Variants in ARHGEF18 observed in about 807,000 individuals in gnomAD.
ARHGEF18 encodes Rho/Rac guanine nucleotide exchange factor 18, also known as rho guanine nucleotide exchange factor 18.
In ARHGEF18, 93 loss-of-function variants were observed where a neutral mutation model predicts 155.7. The ratio of observed to expected loss-of-function variants is 0.60; its 90% CI spans 0.50 to 0.71. The LOEUF (loss-of-function observed/expected upper bound fraction) is 0.71. Among genes scored for constraint, ARHGEF18 ranks in the 30% least tolerant of loss-of-function variants. The probability of loss-of-function intolerance (pLI) is 0.00; values close to 1 mark genes in which losing one functional copy is unlikely to be tolerated. For missense variants in ARHGEF18, 1,593 were observed against 1,816.1 expected, an observed-to-expected ratio of 0.88 and a Z score of 2.23; for synonymous variants, 742 against 753.1, an observed-to-expected ratio of 0.99 and a Z score of 0.24.
intron 10 of ARHGEF18, among the ~76,000 whole-genome samples, chr19:7,411,111 T>C (rs1430216018): frequency 6.6e-6 from 1 of 152,070 alleles, no homozygotes; most frequent in Non-Finnish European, 1.5e-5. Flanking sequence ...GCAGAGGATC[T>C]CAGAACAAGC....
chr19:7,456,883 C>T (rs939552467), intron 18 of ARHGEF18, among the ~76,000 whole-genome samples: 4 of 152,034 alleles, frequency 2.6e-5, no homozygotes, highest in African/African-American at 9.7e-5. Context: ...TACAGGCGCC[C>T]GCCACCACGC....
intron 10 of ARHGEF18, among the ~76,000 whole-genome samples, chr19:7,396,052 G>A (rs1037247498): frequency 6.6e-6 from 1 of 152,054 alleles, no homozygotes; most frequent in Admixed American, 6.6e-5. Flanking sequence ...GTGTCCATGA[G>A]TACCCAAGGT....
chr19:7,414,047 A>G (rs1271290953), intron 10 of ARHGEF18, among the ~76,000 whole-genome samples: 1 of 152,086 alleles, frequency 6.6e-6, no homozygotes, highest in Admixed American at 6.6e-5. Context: ...GTGGGTCTAA[A>G]TCAGGGTTTC....
At chr19:7,460,045 C>T (rs745974363) in intron 20 of ARHGEF18, 51 bp downstream of exon 20, 1 of 1,525,122 alleles carries the variant, frequency 6.6e-7, no homozygotes, top group Non-Finnish European at 8.9e-7. Flanking sequence ...GAGCCCTGGG[C>T]CCTCCATCAG....
At chr19:7,394,938 A>T in intron 10 of ARHGEF18, 1 of 523,410 alleles carries the variant, frequency 1.9e-6, no homozygotes. Context: ...CGCCGCGAGC[A>T]CCCTCCCACT....
intron 18 of ARHGEF18, among the ~76,000 whole-genome samples, chr19:7,458,212 A>G (rs112145234): frequency 0.028 from 4,254 of 150,174 alleles, 197 homozygotes; most frequent in African/African-American, 0.094. Context: ...ACTTGAGCCC[A>G]GGAGGTCAAG....
intron 1 of ARHGEF18, among the ~76,000 whole-genome samples, chr19:7,349,659 T>A (rs1381389946): frequency 6.6e-6 from 1 of 151,936 alleles, no homozygotes; most frequent in East Asian, 1.9e-4. Context: ...GCAGCTGTAA[T>A]CTCAGCTACT....
intron 10 of ARHGEF18, among the ~76,000 whole-genome samples, chr19:7,416,917 T>G (rs1600366714): frequency 6.6e-6 from 1 of 151,764 alleles, no homozygotes; most frequent in African/African-American, 2.4e-5. Flanking sequence ...TTGTTGTTGT[T>G]GTTGTTTTTT....
At chr19:7,439,283 C>CG (rs1555720503) in intron 10 of ARHGEF18, among the ~76,000 whole-genome samples, 2 of 149,986 alleles carry the variant, frequency 1.3e-5, no homozygotes, top group African/African-American at 2.5e-5. Context: ...TAGTGAGACC[C>CG]CCCCCCAACC....
chr19:7,473,139 G>A (rs879109173), downstream of ARHGEF18: 1 of 456,268 alleles, frequency 2.2e-6, no homozygotes, highest in South Asian at 1.5e-5. Flanking sequence ...GTGAGAGGCA[G>A]CTTGGCCATG....
chr19:7,461,915 G>C (rs948303966), intron 20 of ARHGEF18, among the ~76,000 whole-genome samples: 16 of 152,152 alleles, frequency 1.1e-4, no homozygotes, highest in African/African-American at 3.9e-4. Context: ...GCTTCCCTAA[G>C]TACTGGGATC....
At chr19:7,349,450 G>T (rs760937790) in intron 1 of ARHGEF18, among the ~76,000 whole-genome samples, 1 of 152,054 alleles carries the variant, frequency 6.6e-6, no homozygotes, top group Non-Finnish European at 1.5e-5. Context: ...GTCACCCCAG[G>T]GGACGGGGAT....
Position 7,470,450 on chromosome 19 carries a change from G to C in ARHGEF18, c.*152G>C. On this transcript the variant is annotated 3_prime_UTR_variant, in exon 29 of 29. Transcript: ENST00000668164. The surrounding 1 kb of genome is among the most constrained non-coding windows in gnomAD (Gnocchi z 5.9). ...ACCGCCTGGCAGGGGCCAGCCTGTC[G>C]GTGCTCTGGGCCTTGCAGCTGTTTC... 1 of 671,064 alleles carries C rather than the reference G, an allele frequency of 1.5e-6. No homozygotes were observed. The highest frequency in any genetic ancestry group is 2.1e-6 in the Non-Finnish European group (1 of 471,972). 41.6% of individuals were successfully genotyped at this position (671,064 alleles called of 1,614,324 possible). A position where few individuals can be genotyped will look rare whatever the true frequency, so the allele number is the denominator to read the frequency against.
chr19:7,386,927 T>C (rs1191223841), intron 10 of ARHGEF18, among the ~76,000 whole-genome samples: 4 of 152,024 alleles, frequency 2.6e-5, no homozygotes, highest in African/African-American at 9.7e-5. Flanking sequence ...GCCTTCCAGC[T>C]GGGGATTTGG....
chr19:7,369,589 G>A (rs1970107709), intron 2 of ARHGEF18, among the ~76,000 whole-genome samples: 1 of 152,032 alleles, frequency 6.6e-6, no homozygotes, highest in Admixed American at 6.6e-5. Flanking sequence ...ATGAGGTCAG[G>A]AGTTCAAGAG....
chr19:7,477,173 G>T, downstream of ARHGEF18: 1 of 1,429,610 alleles, frequency 7.0e-7, no homozygotes, highest in Non-Finnish European at 9.2e-7. Flanking sequence ...CGTGGGCTCT[G>T]GCTGTGTCCC....
chr19:7,383,617 G>A (rs531238963), intron 10 of ARHGEF18, among the ~76,000 whole-genome samples: 33 of 152,200 alleles, frequency 2.2e-4, no homozygotes, highest in Admixed American at 5.2e-4. Flanking sequence ...CATTCCAGGC[G>A]TCTCTCCTGG....
chr19:7,390,569 C>T (rs1380865745), intron 10 of ARHGEF18: 2 of 151,342 alleles, frequency 1.3e-5, no homozygotes, highest in African/African-American at 4.9e-5. Context: ...ATGTGGGTAG[C>T]ACTCACTTAG....
intron 10 of ARHGEF18, among the ~76,000 whole-genome samples, chr19:7,426,723 C>G (rs1346753994): frequency 6.6e-6 from 1 of 152,158 alleles, no homozygotes; most frequent in Non-Finnish European, 1.5e-5. Flanking sequence ...AATGCTTCCA[C>G]CAGGATAAAG....
Sources: gnomAD v4.1 joint callset for allele counts (sites outside exome capture counted in the v4.1 genomes callset) on GRCh38, gnomAD v4.1.1 for gene constraint, Gnocchi (gnomAD v3.1) non-coding constraint, MANE v1.5 for transcripts, NCBI Gene and HGNC (gene_info 2026-07-23, HGNC 2026-07-21) for gene names.